The following ECPAS variants were observed in gnomAD, a reference collection of about 807,000 sequenced individuals.
ECPAS encodes Ecm29 proteasome adaptor and scaffold.
ECPAS carries 70 observed loss-of-function variants against 255.1 expected under a neutral mutation model. The observed-to-expected ratio is 0.27, with a 90% CI of 0.23 to 0.33. The LOEUF is 0.33. Ranked by LOEUF, ECPAS falls within the 10% of genes least tolerant of loss-of-function variation. The probability of loss-of-function intolerance (pLI) is 1.00; values close to 1 mark genes in which losing one functional copy is unlikely to be tolerated. For missense variants in ECPAS, 1,817 were observed against 2,206.4 expected (o/e 0.82, Z 3.54); for synonymous variants, 784 against 775.0 (o/e 1.01, Z -0.19).
At chr9:111,385,591 C>T in intron 32 of ECPAS, 149 bp from the exon 33 acceptor site, 1 of 621,084 alleles carries the variant, frequency 1.6e-6, no homozygotes, top group Non-Finnish European at 2.8e-6. Context: ...CTCCAGGTCC[C>T]TCAAATATAC....
chr9:111,458,107 T>C (rs1033733298), intron 2 of ECPAS, among the ~76,000 whole-genome samples: 3 of 152,224 alleles, frequency 2.0e-5, no homozygotes, highest in East Asian at 3.8e-4. Context: ...TTATAAACTA[T>C]ACATTATTAA....
intron 9 of ECPAS, among the ~76,000 whole-genome samples, 186 bp from the exon 10 acceptor site, chr9:111,428,347 T>C (rs570549550): frequency 4.6e-5 from 7 of 152,308 alleles, no homozygotes; most frequent in African/African-American, 7.2e-5. Flanking sequence ...ATATTTACTA[T>C]ACGGGAAATT....
Position 111,415,479 on chromosome 9 carries a change from T to C in ECPAS, c.1764+793A>G, listed in dbSNP as rs144457624. On this transcript the variant is annotated intron_variant, in intron 18 of 49. Coordinates refer to ENST00000684092, the MANE Select transcript of ECPAS (RefSeq NM_001364929.1). ...CTTTGGGAGGCTGAGGCAGGAGGAC[T>C]GCTTTAGCTCAGGAGTTCAAGACCA... is the stretch of plus-strand genomic sequence containing the variant. Among the ~76,000 whole-genome samples the C allele has an allele frequency of 2.9e-3, 441 of 152,082 alleles. 3 individuals carry two copies. The highest frequency in any genetic ancestry group is 0.01 in the African/African-American group (431 of 41,516).
At chr9:111,454,724 T>C (rs557109630) in intron 2 of ECPAS, among the ~76,000 whole-genome samples, 2 of 151,590 alleles carry the variant, frequency 1.3e-5, no homozygotes, top group African/African-American at 4.8e-5. Context: ...TTTTTTTTTT[T>C]AAATAAGACA....
rs772434940 is a variant in ECPAS at position 111,370,774 on chromosome 9, T to C, written c.4738-9A>G. 1.3e-6 allele frequency: 2 copies of C among 1,597,146 alleles called. No homozygotes were observed. The highest frequency in any genetic ancestry group is 1.7e-6 in the Non-Finnish European group (2 of 1,171,278). ...GCTTTCAATAGCTCCTCCTAAGGGG[T>C]TGAAAGATGAGGAAATACTATTAAG... On this transcript the variant is annotated splice_polypyrimidine_tract_variant and intron_variant, in intron 43 of 49. Coordinates refer to ENST00000684092, the MANE Select transcript of ECPAS (RefSeq NM_001364929.1).
At chr9:111,421,211 T>G (rs988407874) in intron 15 of ECPAS, among the ~76,000 whole-genome samples, 1 of 152,172 alleles carries the variant, frequency 6.6e-6, no homozygotes, top group African/African-American at 2.4e-5. Context: ...CATATTTTAA[T>G]AGGAAGCAGA....
chr9:111,476,328 G>C (rs2098296226), intron 1 of ECPAS, among the ~76,000 whole-genome samples: 1 of 152,130 alleles, frequency 6.6e-6, no homozygotes, highest in African/African-American at 2.4e-5. Flanking sequence ...TAACTATAAT[G>C]TCAACTTTTC....
chr9:111,389,857 G>T, intron 30 of ECPAS, 127 bp downstream of exon 30: 2 of 1,161,898 alleles, frequency 1.7e-6, no homozygotes, highest in Non-Finnish European at 1.2e-6. Context: ...GCATTTGTGG[G>T]GTTCAGCTTT....
intron 2 of ECPAS, among the ~76,000 whole-genome samples, chr9:111,454,179 T>C (rs938618693): frequency 2.6e-5 from 4 of 152,082 alleles, no homozygotes; most frequent in Non-Finnish European, 5.9e-5. Flanking sequence ...TTTTAGGCCA[T>C]AGAAACTACA....
intron 1 of ECPAS, among the ~76,000 whole-genome samples, chr9:111,474,550 C>T (rs1206971338): frequency 6.6e-6 from 1 of 152,160 alleles, no homozygotes; most frequent in Admixed American, 6.5e-5. Context: ...CCAATGCCAC[C>T]TGTTACCCGT....
At chr9:111,451,782 A>G (rs1260206229) in intron 2 of ECPAS, among the ~76,000 whole-genome samples, 1 of 152,224 alleles carries the variant, frequency 6.6e-6, no homozygotes, top group Non-Finnish European at 1.5e-5. Context: ...ACCAAGAACA[A>G]AAAGTTCTCT....
chr9:111,380,179 T>G (rs1473580949), intron 35 of ECPAS, among the ~76,000 whole-genome samples: 1 of 152,250 alleles, frequency 6.6e-6, no homozygotes, highest in Admixed American at 6.5e-5. Context: ...ATCCATGGGC[T>G]TCAGAATGGA....
chr9:111,366,590 T>C lies in ECPAS; in HGVS notation c.5151A>G (p.Glu1717=). 4 of 1,613,322 alleles carry C rather than the reference T, an allele frequency of 2.5e-6. No homozygotes were observed. The highest frequency in any genetic ancestry group is 3.4e-6 in the Non-Finnish European group (4 of 1,179,572). Residue 1717 remains glutamate, a synonymous_variant, in exon 47 of 50, where the codon GAA becomes GAG. Transcript: ENST00000684092. Reference sequence around the variant, plus strand: ...CTTTCCACGTGCTGAGTTTTAGCCGTTCACACATCAGTTTGCACAGCTCCT... The same window carrying C: ...CTTTCCACGTGCTGAGTTTTAGCCGCTCACACATCAGTTTGCACAGCTCCT... The part of the protein sequence containing the change: ...YRQELCKLMC[E]RLKLSTWKVQ...
At chr9:111,380,308 T>G (rs534303943) in intron 35 of ECPAS, among the ~76,000 whole-genome samples, 10 of 151,928 alleles carry the variant, frequency 6.6e-5, no homozygotes, top group Admixed American at 3.3e-4. Flanking sequence ...ATCTTTGGGG[T>G]TTTTTTTGGT....
chr9:111,411,985 C>A, intron 21 of ECPAS, 29 bp downstream of exon 21: 1 of 1,493,270 alleles, frequency 6.7e-7, no homozygotes, highest in Non-Finnish European at 8.9e-7. Flanking sequence ...CTATCTCCCA[C>A]AAAAAAGAAT....
At chr9:111,391,044 G>C (rs1279454384) in intron 29 of ECPAS, among the ~76,000 whole-genome samples, 2 of 152,152 alleles carry the variant, frequency 1.3e-5, no homozygotes, top group African/African-American at 4.8e-5. Context: ...GTCACTGAGA[G>C]GACATAAAGG....
intron 2 of ECPAS, among the ~76,000 whole-genome samples, chr9:111,469,536 C>T (rs1431248399): frequency 1.3e-5 from 2 of 149,318 alleles, no homozygotes; most frequent in Admixed American, 6.7e-5. Flanking sequence ...TCCCGCCAGG[C>T]GCGGTGGCTC....
intron 18 of ECPAS, among the ~76,000 whole-genome samples, 175 bp from the exon 19 acceptor site, chr9:111,414,826 G>C (rs1325891681): frequency 6.6e-6 from 1 of 152,134 alleles, no homozygotes; most frequent in Non-Finnish European, 1.5e-5. Flanking sequence ...TGTATAATAA[G>C]GTTTGCAAAT....
In ECPAS at chr9:111,373,961, G is replaced by A. The variant is rs756854334; in HGVS notation, c.4177+11C>T. The A allele has an allele frequency of 7.5e-6, 12 of 1,605,928 alleles. No homozygotes were observed. The Admixed American group carries it at 1.3e-4, about 18-fold the overall frequency. On this transcript the variant is annotated intron_variant, in intron 39 of 49. Transcript: ENST00000684092. ...GCAAAAATATCACCACACATCCCTTGACAAACTCACCTGAGTAAGGTGTTA... is the reference window on the plus strand; with the variant it reads ...GCAAAAATATCACCACACATCCCTTAACAAACTCACCTGAGTAAGGTGTTA...
Sources: gnomAD v4.1 joint callset for allele counts (sites outside exome capture counted in the v4.1 genomes callset) on GRCh38, gnomAD v4.1.1 for gene constraint, MANE v1.5 for transcripts, NCBI Gene and HGNC (gene_info 2026-07-23, HGNC 2026-07-21) for gene names.